Variants in DCLRE1C observed in about 807,000 individuals in gnomAD.
DCLRE1C encodes DNA cross-link repair 1C, also known as protein artemis.
DCLRE1C carries 47 observed loss-of-function variants against 61.4 expected under a neutral mutation model. That is an observed-to-expected ratio of 0.77 (90% CI 0.61 to 0.98). DCLRE1C has a LOEUF of 0.98. DCLRE1C is among the 50% of genes least tolerant of loss of function. DCLRE1C has a pLI of 0.00. For missense variants in DCLRE1C, 858 were observed against 816.0 expected (o/e 1.05, Z -0.63); for synonymous variants, 337 against 287.6 (o/e 1.17, Z -1.74).
intron 5 of DCLRE1C, among the ~76,000 whole-genome samples, chr10:14,935,821 G>A (rs1005587369): frequency 2.0e-5 from 3 of 152,188 alleles, no homozygotes; most frequent in African/African-American, 7.2e-5. Context: ...TCAATTATAT[G>A]TTGAGATCAT....
chr10:14,914,765 C>T (rs542441926), intron 13 of DCLRE1C, among the ~76,000 whole-genome samples: 1 of 152,078 alleles, frequency 6.6e-6, no homozygotes, highest in South Asian at 2.1e-4. Context: ...ATGGCAAAAC[C>T]CTGTGGCTAC....
At chr10:14,948,705 ATC>A (rs1842029661) in intron 2 of DCLRE1C, among the ~76,000 whole-genome samples, 1 of 151,024 alleles carries the variant, frequency 6.6e-6, no homozygotes, top group African/African-American at 2.5e-5. Flanking sequence ...GCAAAACTCC[ATC>A]TCTGTTTTTT....
chr10:14,917,892 C>A (rs1836467554), intron 13 of DCLRE1C, among the ~76,000 whole-genome samples: 1 of 152,062 alleles, frequency 6.6e-6, no homozygotes, highest in Non-Finnish European at 1.5e-5. Flanking sequence ...ACATGGATGG[C>A]AAATACGCAC....
chr10:14,906,831 C>T lies in DCLRE1C; in HGVS notation c.*1577G>A, dbSNP rs1417526329. ...CACAAAAGCCTAACACATTGATGGA[C>T]TTCAAGAATGTTGAATGACTCACAG... On this transcript the variant is annotated 3_prime_UTR_variant, in exon 14 of 14. Transcript: ENST00000378278. Among the ~76,000 whole-genome samples, 2 of 152,184 alleles carry T rather than the reference C, an allele frequency of 1.3e-5. No individual in the cohort carries two copies. Among genetic ancestry groups the T allele is most frequent in the East Asian group, 1.9e-4 (1 of 5,196 alleles).
At chr10:14,903,289 A>G (rs1274217969), downstream of DCLRE1C, 1 of 152,216 alleles carries the variant, frequency 6.6e-6, no homozygotes, top group African/African-American at 2.4e-5. Flanking sequence ...TGGAGTACCA[A>G]GCAAGGGGAA....
Position 14,907,448 on chromosome 10 carries a change from A to C in DCLRE1C, c.*960T>G, listed in dbSNP as rs1207927141. ...TTAATCCAGTCGGCTTATGATTTTC[A>C]GTTCTATATTCTTACTGATTAATGT... On this transcript the variant is annotated 3_prime_UTR_variant, in exon 14 of 14. Coordinates refer to ENST00000378278, the MANE Select transcript of DCLRE1C (RefSeq NM_001033855.3). Among the ~76,000 whole-genome samples the C allele has an allele frequency of 1.3e-5, 2 of 151,948 alleles. No homozygotes were observed. The highest frequency in any genetic ancestry group is 2.9e-5 in the Non-Finnish European group (2 of 67,978).
intron 12 of DCLRE1C, 88 bp from the exon 13 acceptor site, chr10:14,919,920 TTTG>T (rs1443962153): frequency 1.8e-6 from 2 of 1,139,720 alleles, no homozygotes; most frequent in African/African-American, 3.1e-5. Context: ...TTTTTTTGAT[TTTG>T]TTTTTTAATT....
chr10:14,949,557 T>C (rs1474704881), intron 1 of DCLRE1C, among the ~76,000 whole-genome samples: 1 of 152,260 alleles, frequency 6.6e-6, no homozygotes, highest in African/African-American at 2.4e-5. Context: ...CTTCTCAGCC[T>C]ACTGTGATGG....
chr10:14,925,967 C>A (rs1267554475), intron 11 of DCLRE1C, among the ~76,000 whole-genome samples: 1 of 152,154 alleles, frequency 6.6e-6, no homozygotes, highest in Non-Finnish European at 1.5e-5. Context: ...ACAGTTCTCA[C>A]GAGATCTGAT....
intron 4 of DCLRE1C, among the ~76,000 whole-genome samples, chr10:14,938,024 G>T (rs1168491663): frequency 6.6e-6 from 1 of 151,866 alleles, no homozygotes; most frequent in African/African-American, 2.4e-5. Context: ...CAGTAAGTGG[G>T]GAGAGCTCTG....
chr10:14,927,555 C>G (rs1196754061), intron 10 of DCLRE1C, among the ~76,000 whole-genome samples: 2 of 119,274 alleles, frequency 1.7e-5, no homozygotes, highest in African/African-American at 6.7e-5. Flanking sequence ...GCCAAGCACT[C>G]AGATGGGAGG....
chr10:14,928,793 T>A (rs547911987), intron 9 of DCLRE1C, among the ~76,000 whole-genome samples: 62 of 143,736 alleles, frequency 4.3e-4, no homozygotes, highest in African/African-American at 1.4e-3. Context: ...GGTGTTTTTT[T>A]TTTTTTTTTT....
chr10:14,947,425 C>T (rs1239515401), intron 2 of DCLRE1C: 3 of 152,182 alleles, frequency 2.0e-5, no homozygotes, highest in African/African-American at 7.2e-5. Flanking sequence ...TCCACAGAAA[C>T]TGAGCAATAA....
At chr10:14,949,730 T>C (rs1842185354) in intron 1 of DCLRE1C, among the ~76,000 whole-genome samples, 1 of 152,220 alleles carries the variant, frequency 6.6e-6, no homozygotes, top group Non-Finnish European at 1.5e-5. Context: ...CAGACAACAA[T>C]GATCAAACAG....
At chr10:14,937,683 G>T (rs1840170585) in intron 4 of DCLRE1C, among the ~76,000 whole-genome samples, 2 of 152,048 alleles carry the variant, frequency 1.3e-5, no homozygotes, top group African/African-American at 4.8e-5. Flanking sequence ...TTGAGGTCAG[G>T]AGTTTCAGAC....
chr10:14,901,355 T>G, downstream of DCLRE1C: 1 of 1,516,594 alleles, frequency 6.6e-7, no homozygotes, highest in Non-Finnish European at 9.0e-7. Flanking sequence ...GAACCAAACC[T>G]AATACTAAAG....
intron 3 of DCLRE1C, among the ~76,000 whole-genome samples, chr10:14,943,901 C>G (rs535737327): frequency 6.6e-6 from 1 of 152,286 alleles, no homozygotes; most frequent in Admixed American, 6.5e-5. Flanking sequence ...ACCAAAGGTA[C>G]AATTAAATCC....
intron 12 of DCLRE1C, among the ~76,000 whole-genome samples, chr10:14,920,982 C>CA (rs112720831): frequency 0.018 from 2,397 of 130,678 alleles, 29 homozygotes; most frequent in African/African-American, 0.036. Context: ...GACTCTGTCT[C>CA]AAAAAAAAAA....
At chr10:14,925,225 T>TAAAA (rs67477083) in intron 11 of DCLRE1C, among the ~76,000 whole-genome samples, 2 of 109,322 alleles carry the variant, frequency 1.8e-5, no homozygotes, top group African/African-American at 3.6e-5. Flanking sequence ...ATAAAGGATT[T>TAAAA]AAAAAAAAAA....
Sources: allele counts gnomAD v4.1 joint callset (sites outside exome capture counted in the v4.1 genomes callset), GRCh38; gene constraint gnomAD v4.1.1; transcripts MANE v1.5; gene names NCBI Gene and HGNC (gene_info 2026-07-23, HGNC 2026-07-21).